Variants in RECQL5 observed in about 807,000 individuals in gnomAD.
RECQL5 encodes the protein ATP-dependent DNA helicase Q5.
Under a neutral mutation model 103.4 loss-of-function variants are expected in RECQL5, and 88 were observed. The observed-to-expected ratio is 0.85, with a 90% CI of 0.72 to 1.02. RECQL5 has a LOEUF of 1.02. Ranked by LOEUF, RECQL5 falls within the 50% of genes least tolerant of loss-of-function variation. The pLI is 0.00. For synonymous variants in RECQL5, 552 were observed against 507.9 expected, an observed-to-expected ratio of 1.09 and a Z score of -1.17; for missense variants, 1,232 against 1,284.3, an observed-to-expected ratio of 0.96 and a Z score of 0.62.
intron 8 of RECQL5, chr17:75,647,299 G>A (rs1568274627): frequency 1.5e-6 from 2 of 1,338,178 alleles, no homozygotes; most frequent in South Asian, 1.5e-5. Flanking sequence ...GGAGTCGGCG[G>A]GCAGAGCATA....
rs1174831491 is a variant in RECQL5, at chr17:75,658,467, G to A, written c.987-7C>T. 6.2e-7 allele frequency: 1 copy of A among 1,612,672 alleles called. No individual in the cohort carries two copies. The highest frequency in any genetic ancestry group is 1.3e-5 in the African/African-American group (1 of 74,896). ...ATTCCAATGGGCGACAAACCTGTAG[G>A]ATCCAAAGGGACAAGCAGCATGAGA... On this transcript the variant is annotated splice_polypyrimidine_tract_variant and splice_region_variant and intron_variant, in intron 6 of 19. Transcript: ENST00000317905.
rs138314635 is a variant in RECQL5, at chr17:75,665,052, T to C, written c.251A>G (p.Gln84Arg). 151 of 1,592,204 alleles carry C rather than the reference T, an allele frequency of 9.5e-5. No homozygotes were observed. Among genetic ancestry groups the C allele is most frequent in the Non-Finnish European group, 1.3e-4 (151 of 1,172,516 alleles). ...IVVSPLIALI[Q>R]DQVDHLLTLK... ...CATCTTCATTGCCCTAAGCCTCACC[T>C]GAATCAAAGCAATGAGAGGAGAGAC... is the stretch of plus-strand genomic sequence containing the variant. Residue 84 changes from glutamine to arginine, a missense_variant and splice_region_variant, in exon 3 of 20, where the codon CAG (glutamine) becomes CGG (arginine). Transcript: ENST00000317905.
chr17:75,629,433 A>T lies in RECQL5; in HGVS notation c.1990T>A (p.Cys664Ser), dbSNP rs1008681987. The T allele has an allele frequency of 5.3e-6, 8 of 1,506,162 alleles. No individual in the cohort carries two copies. The highest frequency in any genetic ancestry group is 1.8e-4 in the Middle Eastern group (1 of 5,580). The allele number at this position is 1,506,162 out of a possible 1,614,324, so 93.3% of individuals were successfully genotyped here. A position where few individuals can be genotyped will look rare whatever the true frequency, so the allele number is the denominator to read the frequency against. The change falls in exon 16 of 20, where the codon TGC becomes AGC. Residue 664 changes from cysteine to serine, a missense_variant. Physicochemically the swap from Cys to Ser is moderately radical, Grantham distance 112. Coordinates refer to ENST00000317905, the MANE Select transcript of RECQL5 (RefSeq NM_004259.7). ...RVGAGFPKGS[C>S]PFQTATELME... is the part of the protein sequence containing the mutation. ...AGTTCCGTGGCCGTCTGGAACGGGC[A>T]GGAGCCTTTGGGGAAACCAGCTCCC...
chr17:75,648,166 C>A (rs886240758), intron 8 of RECQL5, among the ~76,000 whole-genome samples: 12 of 152,016 alleles, frequency 7.9e-5, no homozygotes, highest in African/African-American at 2.9e-4. Flanking sequence ...CACCACAGGG[C>A]CTTTGCACAT....
At chr17:75,656,934 C>G (rs537172580) in intron 7 of RECQL5, among the ~76,000 whole-genome samples, 160 of 152,110 alleles carry the variant, frequency 1.1e-3, no homozygotes, top group African/African-American at 3.6e-3. Flanking sequence ...TTAGTAGAGA[C>G]GGGGTTTCAC....
At position 75,640,115 on chromosome 17, in the gene RECQL5, C is replaced by T. The variant is rs972926372; in HGVS notation, c.1230-8447G>A. On this transcript the variant is annotated intron_variant, in intron 8 of 19. Coordinates refer to ENST00000317905, the MANE Select transcript of RECQL5 (RefSeq NM_004259.7). This position sits in a 1 kb window ranked among gnomAD's most constrained non-coding sequence, Gnocchi z 4.6. ...CGAGGGTGGAATCTCGGTGCTGCGA[C>T]GAGTGTGGGGCCAGCCGTGGAGGCT... 200 of 1,439,058 alleles carry T rather than the reference C, an allele frequency of 1.4e-4. No homozygotes were observed. The highest frequency in any genetic ancestry group is 1.8e-4 in the Non-Finnish European group (193 of 1,098,190). The allele number at this position is 1,439,058 out of a possible 1,614,324, so 89.1% of individuals were successfully genotyped here.
At chr17:75,664,947 A>G in intron 3 of RECQL5, 104 bp downstream of exon 3, 1 of 1,406,542 alleles carries the variant, frequency 7.1e-7, no homozygotes, top group East Asian at 2.7e-5. Flanking sequence ...AGAAAAAGAA[A>G]AGAAAATAAG....
intron 8 of RECQL5, chr17:75,637,975 G>A (rs1262825921): frequency 6.6e-6 from 1 of 152,260 alleles, no homozygotes; most frequent in East Asian, 1.9e-4. Context: ...TAGAAGGAAG[G>A]AGGCGGGAGC....
chr17:75,662,998 C>A lies in RECQL5; in HGVS notation c.253-1G>T. ...GGGTTAGCAAGTGGTCCACTTGGTC[C>A]TAAGAGAAGAGAAAGAGGCTGTAAC... On this transcript the variant is annotated splice_acceptor_variant, in intron 3 of 19. Coordinates refer to ENST00000317905, the MANE Select transcript of RECQL5 (RefSeq NM_004259.7). LOFTEE classifies it high-confidence loss of function. 6.3e-7 allele frequency: 1 copy of A among 1,585,072 alleles called. No individual in the cohort carries two copies. Among genetic ancestry groups the A allele is most frequent in the Non-Finnish European group, 8.6e-7 (1 of 1,165,440 alleles).
chr17:75,650,543 C>T (rs996683536), intron 8 of RECQL5: 10 of 1,502,646 alleles, frequency 6.7e-6, no homozygotes, highest in South Asian at 2.5e-5. Flanking sequence ...ATCACGTCAG[C>T]GTCATCCGAC....
Position 75,631,586 on chromosome 17 carries a change from T to G in RECQL5, c.1312A>C (p.Thr438Pro). The change falls in exon 9 of 20, where the codon ACG becomes CCG. Residue 438 changes from threonine to proline, a missense_variant. Coordinates refer to ENST00000317905, the MANE Select transcript of RECQL5 (RefSeq NM_004259.7). The part of the protein sequence containing the change: ...AKGCDHCQNP[T>P]AVRRRLEALE... ...GCCTCCAGCCGCCTCCGCACGGCCG[T>G]GGGGTTCTGGCAGTGGTCGCAGCCT... 1 of 1,612,936 alleles carries G rather than the reference T, an allele frequency of 6.2e-7. No homozygotes were observed. Among genetic ancestry groups the G allele is most frequent in the Non-Finnish European group, 8.5e-7 (1 of 1,179,900 alleles).
In RECQL5 at chr17:75,662,693, G is replaced by C. The variant is rs1197395443; in HGVS notation, c.557C>G (p.Ala186Gly). 2 of 1,614,096 alleles carry C rather than the reference G, an allele frequency of 1.2e-6. No homozygotes were observed. Among genetic ancestry groups the C allele is most frequent in the South Asian group, 2.2e-5 (2 of 91,088 alleles). Residue 186 changes from alanine (A) to glycine (G), a missense_variant, in exon 4 of 20, where the codon GCC becomes GGC. Ala to Gly is a moderately conservative substitution (Grantham distance 60, BLOSUM62 0). Transcript: ENST00000317905. ...TGTGGCGGTCAGAGCCACACAAGGGGCATGTCCCAGGCGGGAGCGCAGGGC... is the reference window on the plus strand; with the variant it reads ...TGTGGCGGTCAGAGCCACACAAGGGCCATGTCCCAGGCGGGAGCGCAGGGC... ...LGALRSRLGH[A>G]PCVALTATAT...
At chr17:75,664,029 G>A (rs376933266) in intron 3 of RECQL5, among the ~76,000 whole-genome samples, 3 of 146,798 alleles carry the variant, frequency 2.0e-5, no homozygotes, top group East Asian at 4.0e-4. Flanking sequence ...ACTCAAGCCC[G>A]GGCAACAAGA....
At chr17:75,643,642 A>T (rs1466717581) in intron 8 of RECQL5, among the ~76,000 whole-genome samples, 3 of 152,254 alleles carry the variant, frequency 2.0e-5, no homozygotes, top group Admixed American at 6.5e-5. Flanking sequence ...AGGTGGCAGC[A>T]GTTGCCCCAC....
chr17:75,642,260 C>T (rs2059443586), intron 8 of RECQL5, among the ~76,000 whole-genome samples: 1 of 152,218 alleles, frequency 6.6e-6, no homozygotes, highest in Non-Finnish European at 1.5e-5. Flanking sequence ...GAGGTGCCTC[C>T]CCGGGGCTTC....
At chr17:75,650,581 C>A in intron 8 of RECQL5, 1 of 1,572,868 alleles carries the variant, frequency 6.4e-7, no homozygotes. Context: ...TGAGATGAAT[C>A]CAAGAGCTTT....
intron 14 of RECQL5, 144 bp from the exon 15 acceptor site, chr17:75,629,986 C>T (rs554252386): frequency 2.8e-4 from 329 of 1,181,772 alleles, no homozygotes; most frequent in Non-Finnish European, 3.7e-4. Context: ...AAGTTTTAGG[C>T]CTCCCATCCT....
intron 8 of RECQL5, chr17:75,647,341 G>A: frequency 2.0e-6 from 3 of 1,517,876 alleles, no homozygotes; most frequent in South Asian, 1.3e-5. Flanking sequence ...AGGGCTGCCT[G>A]CACTCAGGTC....
intron 8 of RECQL5, chr17:75,647,806 C>T (rs1039402444): frequency 4.3e-6 from 2 of 461,400 alleles, no homozygotes; most frequent in South Asian, 3.6e-5. Context: ...TAGGGTTCCC[C>T]GACCAGAACC....
Sources: allele counts gnomAD v4.1 joint callset (sites outside exome capture counted in the v4.1 genomes callset), GRCh38; gene constraint gnomAD v4.1.1; non-coding constraint Gnocchi (gnomAD v3.1); transcripts MANE v1.5; gene names NCBI Gene and HGNC (gene_info 2026-07-23, HGNC 2026-07-21).